Variants in STK32B observed in about 807,000 individuals in gnomAD.
The protein encoded by STK32B is serine/threonine-protein kinase 32B.
In STK32B, 43 loss-of-function variants were observed where a neutral mutation model predicts 52.6. The observed-to-expected ratio is 0.82, with a 90% CI of 0.64 to 1.05. The LOEUF (loss-of-function observed/expected upper bound fraction) is 1.05. Ranked by LOEUF, STK32B falls within the 50% of genes least tolerant of loss-of-function variation. STK32B has a pLI of 0.00. For synonymous variants in STK32B, 238 were observed against 204.3 expected, an observed-to-expected ratio of 1.17 and a Z score of -1.41; for missense variants, 621 against 534.6, an observed-to-expected ratio of 1.16 and a Z score of -1.59.
intron 4 of STK32B, among the ~76,000 whole-genome samples, chr4:5,381,405 A>G (rs1577420685): frequency 6.6e-6 from 1 of 152,204 alleles, no homozygotes. Context: ...TTCTCATGGT[A>G]TCTTCAGCTG....
chr4:5,247,755 T>C (rs1352716625), intron 3 of STK32B, among the ~76,000 whole-genome samples: 2 of 152,220 alleles, frequency 1.3e-5, no homozygotes, highest in Non-Finnish European at 2.9e-5. Flanking sequence ...CCTTTTTTTC[T>C]TCCACCCAGA....
intron 4 of STK32B, among the ~76,000 whole-genome samples, chr4:5,332,216 A>C (rs2108955867): frequency 6.6e-6 from 1 of 152,342 alleles, no homozygotes; most frequent in Middle Eastern, 3.4e-3. Context: ...GGAATGTTTG[A>C]AAAGTGATAA....
rs566538569 is a variant in STK32B, at chr4:5,157,388, A to G, written c.109-10911A>G. Among the ~76,000 whole-genome samples, 10 of 152,278 alleles carry G rather than the reference A, an allele frequency of 6.6e-5. No individual in the cohort carries two copies. The East Asian group carries it at 7.7e-4, about 12-fold the overall frequency. Reference sequence around the variant, plus strand: ...GAAGAAGCAGACTGACATATAAACAATAAGTATGATGATTTCCATTGATGA... The same window carrying G: ...GAAGAAGCAGACTGACATATAAACAGTAAGTATGATGATTTCCATTGATGA... On this transcript the variant is annotated intron_variant, in intron 2 of 11. Coordinates refer to ENST00000282908, the MANE Select transcript of STK32B (RefSeq NM_018401.3).
chr4:5,253,262 A>G (rs1726064797), intron 3 of STK32B, among the ~76,000 whole-genome samples: 1 of 152,084 alleles, frequency 6.6e-6, no homozygotes, highest in Admixed American at 6.5e-5. Context: ...ACCTGGAACC[A>G]AACCTGGGCC....
rs550978177 is a variant in STK32B, at chr4:5,125,034, G to A, written c.53-14871G>A. On this transcript the variant is annotated intron_variant, in intron 1 of 11. Coordinates refer to ENST00000282908, the MANE Select transcript of STK32B (RefSeq NM_018401.3). ...ATTTGAAGCGGAAGAGGGATTTGTT[G>A]CAGTATACTAGACAAGCCTCTAGGT... is the stretch of plus-strand genomic sequence containing the variant. Among the ~76,000 whole-genome samples, 5 of 152,148 alleles carry A rather than the reference G, an allele frequency of 3.3e-5. No individual in the cohort carries two copies. In the South Asian group the frequency reaches 1.0e-3, roughly 32 times the overall value.
intron 3 of STK32B, among the ~76,000 whole-genome samples, chr4:5,196,523 C>A (rs1721685713): frequency 6.6e-6 from 1 of 151,662 alleles, no homozygotes; most frequent in African/African-American, 2.4e-5. Context: ...GAGTTTGAGA[C>A]CAACCTGACC....
chr4:5,353,470 G>A (rs1733970013), intron 4 of STK32B, among the ~76,000 whole-genome samples: 1 of 151,766 alleles, frequency 6.6e-6, no homozygotes, highest in Non-Finnish European at 1.5e-5. Context: ...GCAACATTTT[G>A]AATGGGAGAA....
chr4:5,355,119 G>A (rs1240518368), intron 4 of STK32B, among the ~76,000 whole-genome samples: 1 of 152,144 alleles, frequency 6.6e-6, no homozygotes, highest in Non-Finnish European at 1.5e-5. Flanking sequence ...GAAGTTTGGA[G>A]TAATTTGTTA....
intron 3 of STK32B, among the ~76,000 whole-genome samples, chr4:5,202,672 T>G (rs578203968): frequency 1.3e-5 from 2 of 152,228 alleles, no homozygotes; most frequent in African/African-American, 2.4e-5. Flanking sequence ...ATCTCAACTC[T>G]TATCTTCTGC....
rs901643701 is a variant in STK32B at position 5,254,452 on chromosome 4, G to A, written c.261-76768G>A. Reference sequence around the variant, plus strand: ...TTTTAATATTCTATTCCTAATTTTTGTATATAAATACTTACATACATACAT... The same window carrying A: ...TTTTAATATTCTATTCCTAATTTTTATATATAAATACTTACATACATACAT... On this transcript the variant is annotated intron_variant, in intron 3 of 11. Coordinates refer to ENST00000282908, the MANE Select transcript of STK32B (RefSeq NM_018401.3). 6.6e-5 allele frequency among the ~76,000 whole-genome samples: 10 copies of A among 151,730 alleles called. No individual in the cohort carries two copies. In the South Asian group the frequency reaches 2.1e-3, roughly 32 times the overall value.
intron 3 of STK32B, among the ~76,000 whole-genome samples, chr4:5,315,426 A>G (rs1012065111): frequency 1.4e-5 from 2 of 146,112 alleles, no homozygotes; most frequent in Non-Finnish European, 2.9e-5. Flanking sequence ...ATACTCAGCA[A>G]CACTTACTGA....
rs2246983 is a variant in STK32B, at chr4:5,434,456, A to G, written c.563-12217A>G. Reference sequence around the variant, plus strand: ...TATGTGTGTGTGTGTGTGTGTGTGTATATATATATATATATATGATTTTTA... The same window carrying G: ...TATGTGTGTGTGTGTGTGTGTGTGTGTATATATATATATATATGATTTTTA... On this transcript the variant is annotated intron_variant, in intron 6 of 11. Transcript: ENST00000282908. Among the ~76,000 whole-genome samples the G allele has an allele frequency of 9.1e-3, 1,008 of 111,038 alleles. 6 individuals are homozygous for G. The highest frequency in any genetic ancestry group is 0.052 in the East Asian group (97 of 1,852). The allele number at this position is 111,038 out of a possible 152,430, so 72.8% of individuals were successfully genotyped here.
chr4:5,183,237 G>A (rs1475207751), intron 3 of STK32B, among the ~76,000 whole-genome samples: 1 of 152,122 alleles, frequency 6.6e-6, no homozygotes, highest in Non-Finnish European at 1.5e-5. Context: ...CAGCACATTG[G>A]GAACCCGAGG....
intron 2 of STK32B, among the ~76,000 whole-genome samples, chr4:5,159,560 TGA>T (rs370965309): frequency 0.26 from 17,216 of 66,212 alleles, 3,796 homozygotes; most frequent in East Asian, 0.32. Flanking sequence ...TGAATATATA[TGA>T]ATGAATATAT....
intron 6 of STK32B, among the ~76,000 whole-genome samples, chr4:5,419,495 G>A (rs1712447797): frequency 6.6e-6 from 1 of 152,164 alleles, no homozygotes; most frequent in African/African-American, 2.4e-5. Flanking sequence ...CAATGCCCCT[G>A]ATACTAGACT....
At position 5,417,022 on chromosome 4, in the gene STK32B, G is replaced by A. The variant is rs144530952; in HGVS notation, c.562+88G>A. 4.6e-4 allele frequency: 548 copies of A among 1,184,156 alleles called. 1 individual carries two copies. The African/African-American group carries it at 7.4e-3, about 16-fold the overall frequency. 73.4% of individuals were successfully genotyped at this position (1,184,156 alleles called of 1,614,324 possible). On this transcript the variant is annotated intron_variant, in intron 6 of 11. Transcript: ENST00000282908. ...TCTCTTGTTTCATCTGCCACTGCCC[G>A]CTGCCACATACCCTCCCATGCTCAC...
intron 6 of STK32B, among the ~76,000 whole-genome samples, chr4:5,444,208 C>T (rs1487109324): frequency 7.9e-5 from 12 of 152,198 alleles, no homozygotes; most frequent in Non-Finnish European, 7.3e-5. Context: ...GCCTCGCTGC[C>T]GCCTTGCAGT....
intron 6 of STK32B, 38 bp from the exon 7 acceptor site, chr4:5,446,635 G>A (rs769956827): frequency 2.4e-5 from 38 of 1,584,092 alleles, no homozygotes; most frequent in Middle Eastern, 1.7e-4. Flanking sequence ...CATAAACTGG[G>A]ATACACAATG....
At chr4:5,294,029 A>G (rs774026776) in intron 3 of STK32B, among the ~76,000 whole-genome samples, 9 of 152,140 alleles carry the variant, frequency 5.9e-5, no homozygotes, top group Admixed American at 2.0e-4. Context: ...TCCCAAAACC[A>G]TTTATTAAAT....
Sources: allele counts gnomAD v4.1 joint callset (sites outside exome capture counted in the v4.1 genomes callset), GRCh38; gene constraint gnomAD v4.1.1; transcripts MANE v1.5; gene names NCBI Gene and HGNC (gene_info 2026-07-23, HGNC 2026-07-21).